The following PRKG1 variants were observed in gnomAD, a reference collection of about 807,000 sequenced individuals.
PRKG1 encodes the protein protein kinase cGMP-dependent 1.
PRKG1 carries 35 observed loss-of-function variants against 88.1 expected under a neutral mutation model. The observed-to-expected ratio is 0.40, with a 90% CI of 0.30 to 0.53. The LOEUF (loss-of-function observed/expected upper bound fraction) is 0.53, where lower values mean the gene tolerates loss of function less well. Among genes scored for constraint, PRKG1 ranks in the 20% least tolerant of loss-of-function variants. The probability of loss-of-function intolerance (pLI) is 0.59; values close to 1 mark genes in which losing one functional copy is unlikely to be tolerated. For synonymous variants in PRKG1, 303 were observed against 292.5 expected, an observed-to-expected ratio of 1.04 and a Z score of -0.37; for missense variants, 540 against 839.8, an observed-to-expected ratio of 0.64 and a Z score of 4.41.
chr10:52,169,890 T>C (rs986859989), intron 9 of PRKG1, among the ~76,000 whole-genome samples: 11 of 152,200 alleles, frequency 7.2e-5, no homozygotes, highest in African/African-American at 2.7e-4. Context: ...ACTGAGCAAG[T>C]GGTTCTCAGG....
chr10:51,023,892 CTG>C (rs1180178123), intron 1 of PRKG1, among the ~76,000 whole-genome samples: 1 of 152,198 alleles, frequency 6.6e-6, no homozygotes, highest in Non-Finnish European at 1.5e-5. Flanking sequence ...ACATTCAGAA[CTG>C]GCAGAGATTC....
intron 2 of PRKG1, among the ~76,000 whole-genome samples, chr10:51,263,445 T>A (rs1176531676): frequency 1.3e-5 from 2 of 152,242 alleles, no homozygotes; most frequent in Non-Finnish European, 2.9e-5. Context: ...AGTTGCTTCT[T>A]GGCTGTCTCA....
At chr10:51,471,911 T>C (rs901636484) in intron 3 of PRKG1, among the ~76,000 whole-genome samples, 5 of 151,884 alleles carry the variant, frequency 3.3e-5, no homozygotes, top group African/African-American at 1.2e-4. Context: ...GTGGTAGATA[T>C]TTTATGACAT....
At chr10:51,501,387 GAGA>G (rs1302911479) in intron 3 of PRKG1, among the ~76,000 whole-genome samples, 9 of 152,104 alleles carry the variant, frequency 5.9e-5, no homozygotes, top group African/African-American at 2.2e-4. Flanking sequence ...GAAGTTCAGG[GAGA>G]AGAAGGTTTC....
intron 4 of PRKG1, among the ~76,000 whole-genome samples, chr10:51,823,857 T>TTTCTC (rs145139440): frequency 0.19 from 27,093 of 144,250 alleles, 4,247 homozygotes; most frequent in African/African-American, 0.43. Flanking sequence ...GAATTTTTTT[T>TTTCTC]TCTCTCTCCT....
At chr10:51,655,601 AT>A (rs1158643235) in intron 3 of PRKG1, among the ~76,000 whole-genome samples, 3 of 152,016 alleles carry the variant, frequency 2.0e-5, no homozygotes, top group Middle Eastern at 6.8e-3. Flanking sequence ...GGAAAAAAAA[AT>A]ATATATACTT....
intron 5 of PRKG1, among the ~76,000 whole-genome samples, chr10:51,945,554 T>C (rs1412498435): frequency 2.0e-5 from 3 of 152,102 alleles, no homozygotes; most frequent in South Asian, 2.1e-4. Context: ...CTAGCCTCGA[T>C]GGTCTTTACA....
At chr10:51,535,429 CT>C (rs950783152) in intron 3 of PRKG1, among the ~76,000 whole-genome samples, 1 of 152,136 alleles carries the variant, frequency 6.6e-6, no homozygotes, top group South Asian at 2.1e-4. Context: ...TTAAGTGAGA[CT>C]TTTTTAAAAA....
rs563212069 is a variant in PRKG1 at position 51,908,734 on chromosome 10, A to ATATATATATATATATATTT, written c.762+1165_762+1166insATATATATATATATATTTT. ...CTCTCTGTCTATCTATCTATATGTA[A>ATATATATATATATATATTT]TTTTTTTTTTTTTGAGACAGTGTCT... On this transcript the variant is annotated intron_variant, in intron 5 of 17. Transcript: ENST00000373980. 132 of 52,186 alleles carry ATATATATATATATATATTT rather than the reference A, an allele frequency of 2.5e-3. 2 individuals are homozygous for ATATATATATATATATATTT. Among genetic ancestry groups the ATATATATATATATATATTT allele is most frequent in the Non-Finnish European group, 3.1e-3 (64 of 20,832 alleles). The allele number at this position is 52,186 out of a possible 1,614,324, so 3.2% of individuals were successfully genotyped here.
At chr10:52,151,148 T>C (rs899267141) in intron 8 of PRKG1, among the ~76,000 whole-genome samples, 3 of 152,164 alleles carry the variant, frequency 2.0e-5, no homozygotes, top group African/African-American at 4.8e-5. Context: ...ACTTGTGTCA[T>C]GCGGGTTTGG....
chr10:51,720,292 C>T (rs907079851), intron 3 of PRKG1, among the ~76,000 whole-genome samples: 10 of 138,986 alleles, frequency 7.2e-5, no homozygotes, highest in African/African-American at 2.6e-4. Context: ...CACGTTGCTC[C>T]ACATGCAGAC....
At chr10:51,992,099 T>C (rs1428997340) in intron 5 of PRKG1, among the ~76,000 whole-genome samples, 1 of 152,226 alleles carries the variant, frequency 6.6e-6, no homozygotes. Flanking sequence ...TTAATTTAGA[T>C]ATGGAAACTA....
At chr10:51,315,496 T>G (rs2132497758) in intron 2 of PRKG1, among the ~76,000 whole-genome samples, 1 of 152,326 alleles carries the variant, frequency 6.6e-6, no homozygotes, top group East Asian at 1.9e-4. Flanking sequence ...GTAGGACATC[T>G]TGAATACTAA....
chr10:52,018,202 C>A (rs1191272770), intron 5 of PRKG1, among the ~76,000 whole-genome samples: 1 of 152,046 alleles, frequency 6.6e-6, no homozygotes, highest in Non-Finnish European at 1.5e-5. Flanking sequence ...GGTGTTGAGC[C>A]AAATTTTGTC....
At chr10:52,194,239 A>G (rs1839448448) in intron 9 of PRKG1, among the ~76,000 whole-genome samples, 1 of 152,160 alleles carries the variant, frequency 6.6e-6, no homozygotes, top group African/African-American at 2.4e-5. Context: ...AAGATCGACT[A>G]TTATTCTATA....
At chr10:51,011,488 A>G (rs958599376) in intron 1 of PRKG1, among the ~76,000 whole-genome samples, 1 of 152,252 alleles carries the variant, frequency 6.6e-6, no homozygotes, top group Non-Finnish European at 1.5e-5. Flanking sequence ...TTGAAACTTC[A>G]TACTTAGAAG....
intron 2 of PRKG1, among the ~76,000 whole-genome samples, chr10:51,271,322 G>A (rs1195748098): frequency 4.0e-5 from 6 of 151,680 alleles, no homozygotes; most frequent in Admixed American, 2.0e-4. Flanking sequence ...CTTGCCAAAA[G>A]TGTTTAGTTC....
At chr10:51,434,601 A>G (rs1838867044) in intron 2 of PRKG1, among the ~76,000 whole-genome samples, 1 of 152,124 alleles carries the variant, frequency 6.6e-6, no homozygotes, top group Non-Finnish European at 1.5e-5. Flanking sequence ...AAATATCTCC[A>G]TAGAATGAAT....
At position 51,229,942 on chromosome 10, in the gene PRKG1, AAAAAAAGAAAAAG is replaced by A. The variant is rs1402525395; in HGVS notation, c.478+76623_478+76635del. 2.0e-4 allele frequency among the ~76,000 whole-genome samples: 9 copies of A among 44,130 alleles called. No individual in the cohort carries two copies. In the East Asian group the frequency reaches 5.1e-3, roughly 25 times the overall value. 29.0% of individuals were successfully genotyped at this position (44,130 alleles called of 152,430 possible). A position where few individuals can be genotyped will look rare whatever the true frequency, so the allele number is the denominator to read the frequency against. On this transcript the variant is annotated intron_variant, in intron 2 of 17. Coordinates refer to ENST00000373980, the MANE Select transcript of PRKG1 (RefSeq NM_006258.4). ...AGGCGATCTCAAAAAAAAAAAAAAA[AAAAAAAGAAAAAG>A]AAAAAAGAAAGAAAAAGAAATTTAG...
Sources: allele counts gnomAD v4.1 joint callset (sites outside exome capture counted in the v4.1 genomes callset), GRCh38; gene constraint gnomAD v4.1.1; transcripts MANE v1.5; gene names NCBI Gene and HGNC (gene_info 2026-07-23, HGNC 2026-07-21).